COL6A5: variants seen among roughly 807,000 people sequenced by gnomAD.
The protein encoded by COL6A5 is collagen type VI alpha 5 chain, also known as collagen alpha-5(VI) chain.
Under a neutral mutation model 65.6 loss-of-function variants are expected in COL6A5, and 48 were observed. The observed-to-expected ratio is 0.73, with a 90% CI of 0.58 to 0.93. COL6A5 has a LOEUF of 0.93. Among genes scored for constraint, COL6A5 ranks in the 40% least tolerant of loss-of-function variants. The pLI is 0.00. For missense variants in COL6A5, 914 were observed against 928.3 expected (o/e 0.98, Z 0.20); for synonymous variants, 291 against 322.8 (o/e 0.90, Z 1.05).
chr3:130,392,061 C>G lies in COL6A5; in HGVS notation c.2992+307C>G, dbSNP rs138741578. 5.2e-4 allele frequency among the ~76,000 whole-genome samples: 79 copies of G among 152,286 alleles called. 1 individual carries two copies. The East Asian group carries it at 0.011, about 21-fold the overall frequency. ...TTCTTAGGGTCATATTCACCTTACC[C>G]CAAGTAATGGCTGCTCATGGTGCTC... On this transcript the variant is annotated intron_variant and NMD_transcript_variant, in intron 7 of 41. Coordinates refer to the COL6A5 transcript ENST00000312481.
At chr3:130,364,562 G>A (rs939451882) in intron 1 of COL6A5, among the ~76,000 whole-genome samples, 9 of 152,208 alleles carry the variant, frequency 5.9e-5, no homozygotes, top group African/African-American at 2.2e-4. Flanking sequence ...AAATATGGAG[G>A]ATTAGACAGA....
At chr3:130,432,020 G>A in intron 1 of COL6A5, 71 bp downstream of exon 33, 1 of 1,443,840 alleles carries the variant, frequency 6.9e-7, no homozygotes, top group Non-Finnish European at 9.3e-7. Flanking sequence ...CAGGATGGGA[G>A]TGGTAGAGAG....
chr3:130,369,034 G>A (rs1000810565), intron 1 of COL6A5, among the ~76,000 whole-genome samples: 2 of 152,170 alleles, frequency 1.3e-5, no homozygotes, highest in African/African-American at 4.8e-5. Context: ...GGTTCCTAAA[G>A]CTGTGCCCTT....
exon 4 of COL6A5, chr3:130,379,490 C>T (rs759758297): frequency 1.3e-6 from 2 of 1,551,254 alleles, no homozygotes; most frequent in South Asian, 2.4e-5. Flanking sequence ...TCACTTGGGA[C>T]CGGAGGAAAT....
chr3:130,447,258 G>A (rs1357930158), intron 4 of COL6A5, among the ~76,000 whole-genome samples: 1 of 152,130 alleles, frequency 6.6e-6, no homozygotes, highest in Non-Finnish European at 1.5e-5. Context: ...TATCTACAGA[G>A]ACATGCACAT....
chr3:130,469,055 G>A lies in COL6A5; in HGVS notation c.1807G>A (p.Glu603Lys), dbSNP rs1198898069. The change falls in exon 6 of 8, where the codon GAA becomes AAA. Residue 603 changes from glutamate to lysine, a missense_variant. Physicochemically the swap from Glu to Lys is moderately conservative, Grantham distance 56. Transcript: ENST00000512836. ...TCCTCCAGGCTATATGCCTAACACT[G>A]AAGAATGCCCTGTCTACCTGGAATT... 3.1e-6 allele frequency: 5 copies of A among 1,612,770 alleles called. No homozygotes were observed. The African/African-American group carries it at 4.0e-5, about 13-fold the overall frequency.
intron 5 of COL6A5, among the ~76,000 whole-genome samples, chr3:130,457,934 T>TC (rs1709614635): frequency 6.6e-6 from 1 of 152,122 alleles, no homozygotes; most frequent in Non-Finnish European, 1.5e-5. Context: ...GCTGTGTTTG[T>TC]TACCCATTCA....
At chr3:130,351,771 T>A (rs547962467) in intron 1 of COL6A5, among the ~76,000 whole-genome samples, 17 of 152,304 alleles carry the variant, frequency 1.1e-4, no homozygotes, top group African/African-American at 4.1e-4. Context: ...GATCTAGAAC[T>A]AGAAATACCA....
At chr3:130,456,696 G>C (rs1028634569) in intron 5 of COL6A5, among the ~76,000 whole-genome samples, 1 of 152,032 alleles carries the variant, frequency 6.6e-6, no homozygotes, top group South Asian at 2.1e-4. Flanking sequence ...TAAAATGCTT[G>C]TTTGGCAGAA....
At chr3:130,429,028 G>A (rs534962048), upstream of COL6A5, among the ~76,000 whole-genome samples, 10 of 152,274 alleles carry the variant, frequency 6.6e-5, no homozygotes, top group East Asian at 1.9e-4. Context: ...CAGGAGAAAC[G>A]CTTGGGGTTT....
chr3:130,399,090 A>T lies in COL6A5; in HGVS notation c.3991+979A>T, dbSNP rs192985393. Among the ~76,000 whole-genome samples the T allele has an allele frequency of 1.3e-3, 201 of 152,350 alleles. 1 individual carries two copies. Among genetic ancestry groups the T allele is most frequent in the African/African-American group, 4.4e-3 (181 of 41,580 alleles). Reference sequence around the variant, plus strand: ...GCTAAATGCAGAAGTTGAGAGTAGGATGCAGCAATGGAAGACTCCGTTAAT... The same window carrying T: ...GCTAAATGCAGAAGTTGAGAGTAGGTTGCAGCAATGGAAGACTCCGTTAAT... On this transcript the variant is annotated intron_variant and NMD_transcript_variant, in intron 10 of 41. Transcript: ENST00000312481.
At chr3:130,434,342 G>A (rs1937953708) in intron 1 of COL6A5, among the ~76,000 whole-genome samples, 1 of 152,104 alleles carries the variant, frequency 6.6e-6, no homozygotes, top group Admixed American at 6.6e-5. Flanking sequence ...ATCATTGATG[G>A]GCATTTGGGT....
At chr3:130,379,992 G>A (rs1935940291) in exon 4 of COL6A5, 15 of 1,550,660 alleles carry the variant, frequency 9.7e-6, no homozygotes, top group Non-Finnish European at 1.3e-5. Context: ...AAAAGCTCCA[G>A]AATGAAATAT....
At chr3:130,401,119 G>A in exon 11 of COL6A5, 1 of 1,550,350 alleles carries the variant, frequency 6.5e-7, no homozygotes, top group Non-Finnish European at 8.7e-7. Context: ...TCGATTACAG[G>A]ACTCATCTGA....
At chr3:130,478,673 G>A (rs1669595871) in intron 7 of COL6A5, among the ~76,000 whole-genome samples, 3 of 152,034 alleles carry the variant, frequency 2.0e-5, no homozygotes, top group Admixed American at 6.6e-5. Context: ...CCCCTGTAGG[G>A]AGGTATGTGG....
intron 13 of COL6A5, 34 bp downstream of exon 13, chr3:130,403,696 G>GCA: frequency 6.8e-7 from 1 of 1,468,850 alleles, no homozygotes; most frequent in Non-Finnish European, 9.3e-7. Flanking sequence ...ACCCCCTGTT[G>GCA]CACACACACT....
At chr3:130,387,395 C>A (rs1392919972) in intron 5 of COL6A5, among the ~76,000 whole-genome samples, 1 of 152,058 alleles carries the variant, frequency 6.6e-6, no homozygotes, top group Non-Finnish European at 1.5e-5. Context: ...GGAAGTAGAT[C>A]CTGTGAATAC....
intron 1 of COL6A5, among the ~76,000 whole-genome samples, chr3:130,434,724 A>G (rs968836409): frequency 6.6e-6 from 1 of 152,216 alleles, no homozygotes; most frequent in African/African-American, 2.4e-5. Context: ...TCTTAGCCAC[A>G]TAAATGTCTT....
intron 5 of COL6A5, among the ~76,000 whole-genome samples, chr3:130,459,778 A>G (rs1173211360): frequency 6.6e-6 from 1 of 151,978 alleles, no homozygotes; most frequent in African/African-American, 2.4e-5. Flanking sequence ...AAATTCAAAT[A>G]CCAAGTTTCA....
Sources: allele counts gnomAD v4.1 joint callset (sites outside exome capture counted in the v4.1 genomes callset), GRCh38; gene constraint gnomAD v4.1.1; transcripts MANE v1.5; gene names NCBI Gene and HGNC (gene_info 2026-07-23, HGNC 2026-07-21).